Variants in ZNF2 observed in about 807,000 individuals in gnomAD.
ZNF2 encodes the protein zinc finger protein 2.2.
In ZNF2, 12 loss-of-function variants were observed where a neutral mutation model predicts 21.9. That is an observed-to-expected ratio of 0.55 (90% CI 0.35 to 0.89). The LOEUF is 0.89. Among genes scored for constraint, ZNF2 ranks in the 40% least tolerant of loss-of-function variants. The pLI, the probability that ZNF2 is intolerant of heterozygous loss-of-function variation, is 0.01. For synonymous variants in ZNF2, 186 were observed against 196.3 expected, an observed-to-expected ratio of 0.95 and a Z score of 0.44; for missense variants, 462 against 544.2, an observed-to-expected ratio of 0.85 and a Z score of 1.50.
intron 1 of ZNF2, among the ~76,000 whole-genome samples, chr2:95,167,505 C>CAAAAAAAAAAA (rs756206050): frequency 2.2e-5 from 1 of 44,932 alleles, no homozygotes; most frequent in Non-Finnish European, 4.8e-5. Context: ...GACTCAGTCT[C>CAAAAAAAAAAA]AAAAAAAAAA....
In ZNF2 at chr2:95,181,423, A is replaced by G. The variant is rs1289369724; in HGVS notation, c.595A>G (p.Lys199Glu). The stretch of plus-strand genomic sequence containing the variant: ...CCATCAGAGGACTCACACTGGGGAG[A>G]AGCCCTACGACTGCCGCGAGTGTGG... Reference protein sequence around the residue: ...TRHQRTHTGEKPYDCRECGKA... With the variant: ...TRHQRTHTGEEPYDCRECGKA... The change falls in exon 5 of 5, where the codon AAG becomes GAG. Residue 199 changes from lysine (K) to glutamate (E), a missense_variant. Physicochemically the swap from Lys to Glu is moderately conservative, Grantham distance 56. Coordinates refer to ENST00000614034, the MANE Select transcript of ZNF2 (RefSeq NM_021088.4). 2 of 1,614,026 alleles carry G rather than the reference A, an allele frequency of 1.2e-6. No individual in the cohort carries two copies. The highest frequency in any genetic ancestry group is 1.7e-6 in the Non-Finnish European group (2 of 1,180,008).
intron 1 of ZNF2, among the ~76,000 whole-genome samples, chr2:95,175,543 C>T (rs538698812): frequency 9.9e-5 from 15 of 152,244 alleles, no homozygotes; most frequent in Middle Eastern, 6.8e-3. Context: ...TGCTTCAGGA[C>T]GTCCTTTCAT....
rs759634301 is a variant in ZNF2 at position 95,181,105 on chromosome 2, T to G, written c.277T>G (p.Trp93Gly). 1.2e-6 allele frequency: 2 copies of G among 1,612,460 alleles called. No homozygotes were observed. The highest frequency in any genetic ancestry group is 2.2e-5 in the South Asian group (2 of 90,746). ...REWPESVSLD[W>G]ETKPEIHDAS... Reference sequence around the variant, plus strand: ...CATCTGTTTTCTGTTTGTTCCAGACTGGGAAACTAAGCCTGAGATTCACGA... The same window carrying G: ...CATCTGTTTTCTGTTTGTTCCAGACGGGGAAACTAAGCCTGAGATTCACGA... The change falls in exon 5 of 5, where the codon TGG becomes GGG. Residue 93 changes from tryptophan to glycine, a missense_variant and splice_region_variant. Coordinates refer to ENST00000614034, the MANE Select transcript of ZNF2 (RefSeq NM_021088.4).
chr2:95,176,043 C>T, intron 1 of ZNF2, 145 bp from the exon 2 acceptor site: 1 of 764,476 alleles, frequency 1.3e-6, no homozygotes, highest in Non-Finnish European at 2.3e-6. Context: ...GGGATTGTTC[C>T]TGGCTTTGCT....
At chr2:95,172,736 A>G (rs914945252) in intron 1 of ZNF2, among the ~76,000 whole-genome samples, 4 of 151,440 alleles carry the variant, frequency 2.6e-5, no homozygotes, top group African/African-American at 7.3e-5. Context: ...TTCTGGGTTC[A>G]AGCAATTCTC....
At chr2:95,170,785 C>T (rs1189508277) in intron 1 of ZNF2, among the ~76,000 whole-genome samples, 1 of 152,166 alleles carries the variant, frequency 6.6e-6, no homozygotes, top group African/African-American at 2.4e-5. Context: ...GAGGTTGGTT[C>T]ATTGTTAGTA....
chr2:95,166,831 C>T (rs1415479033), intron 1 of ZNF2, among the ~76,000 whole-genome samples: 1 of 152,130 alleles, frequency 6.6e-6, no homozygotes, highest in African/African-American at 2.4e-5. Context: ...GTGGAATTGC[C>T]TAAAGGAAGA....
At chr2:95,166,414 G>A (rs1674042943) in intron 1 of ZNF2, among the ~76,000 whole-genome samples, 1 of 152,148 alleles carries the variant, frequency 6.6e-6, no homozygotes, top group Non-Finnish European at 1.5e-5. Flanking sequence ...TGGTAGACAA[G>A]GTTGAAGAAA....
chr2:95,176,344 G>C (rs1674444501), intron 2 of ZNF2, 85 bp downstream of exon 2: 2 of 1,559,548 alleles, frequency 1.3e-6, no homozygotes, highest in Admixed American at 1.7e-5. Flanking sequence ...GAGCCTCTTT[G>C]AGCAGACCCA....
In ZNF2 at chr2:95,182,197, C is replaced by T. The variant is rs563090334; in HGVS notation, c.*91C>T. ...AAAGCTGCCATTTGCTCATTCTACCCACTCTGGCTGCCGTTGTCCTGTCCT... is the reference window on the plus strand; with the variant it reads ...AAAGCTGCCATTTGCTCATTCTACCTACTCTGGCTGCCGTTGTCCTGTCCT... On this transcript the variant is annotated 3_prime_UTR_variant, in exon 5 of 5. Transcript: ENST00000614034. 159 of 1,476,558 alleles carry T rather than the reference C, an allele frequency of 1.1e-4. No homozygotes were observed. In the African/African-American group the frequency reaches 2.1e-3, roughly 20 times the overall value. The allele number at this position is 1,476,558 out of a possible 1,614,324, so 91.5% of individuals were successfully genotyped here.
At chr2:95,171,953 A>T (rs1674287708) in intron 1 of ZNF2, among the ~76,000 whole-genome samples, 1 of 152,142 alleles carries the variant, frequency 6.6e-6, no homozygotes, top group Admixed American at 6.5e-5. Flanking sequence ...TATGATGATG[A>T]CCCTGCAAGG....
rs1176663018 is a variant in ZNF2, at chr2:95,179,329, T to A, written c.161-830T>A. Among the ~76,000 whole-genome samples the A allele has an allele frequency of 2.0e-5, 3 of 152,178 alleles. No individual in the cohort carries two copies. In the East Asian group the frequency reaches 5.8e-4, roughly 29 times the overall value. ...TTTTAACAGAATGTATTTATGGGTG[T>A]CTTTGGATATCTGAATAGAAAGAAA... On this transcript the variant is annotated intron_variant, in intron 3 of 4. Coordinates refer to ENST00000614034, the MANE Select transcript of ZNF2 (RefSeq NM_021088.4).
rs1234369446 is a variant in ZNF2 at position 95,182,607 on chromosome 2, A to T, written c.*501A>T. 6.4e-6 allele frequency: 1 copy of T among 155,848 alleles called. No individual in the cohort carries two copies. Among genetic ancestry groups the T allele is most frequent in the African/African-American group, 2.4e-5 (1 of 41,424 alleles). 9.7% of individuals were successfully genotyped at this position (155,848 alleles called of 1,614,324 possible). ...AGCTAGCACTTACTGAGCACCTGCG[A>T]TGAGGTAAAGACTCAGCTAAGGGTT... On this transcript the variant is annotated 3_prime_UTR_variant, in exon 5 of 5. Coordinates refer to ENST00000614034, the MANE Select transcript of ZNF2 (RefSeq NM_021088.4).
intron 1 of ZNF2, among the ~76,000 whole-genome samples, chr2:95,168,461 C>G (rs1269615926): frequency 1.3e-5 from 2 of 150,494 alleles, no homozygotes; most frequent in East Asian, 3.9e-4. Context: ...AGTGCAGGGA[C>G]AAATTCTGAG....
chr2:95,167,945 G>A (rs1674139679), intron 1 of ZNF2, among the ~76,000 whole-genome samples: 1 of 152,116 alleles, frequency 6.6e-6, no homozygotes. Context: ...AGTGGTAACA[G>A]TGTGGAGTCA....
Position 95,182,301 on chromosome 2 carries a change from C to G in ZNF2, c.*195C>G. 1.5e-6 allele frequency: 1 copy of G among 659,862 alleles called. No individual in the cohort carries two copies. Among genetic ancestry groups the G allele is most frequent in the Non-Finnish European group, 2.4e-6 (1 of 414,022 alleles). The allele number at this position is 659,862 out of a possible 1,614,324, so 40.9% of individuals were successfully genotyped here. ...TGTAGGGGAGGCCATGGAAATGACT[C>G]TAAAGATACAAAATTTTGAAGAGGT... On this transcript the variant is annotated 3_prime_UTR_variant, in exon 5 of 5. Transcript: ENST00000614034.
At chr2:95,167,654 C>T (rs575311848) in intron 1 of ZNF2, among the ~76,000 whole-genome samples, 2 of 151,644 alleles carry the variant, frequency 1.3e-5, no homozygotes, top group South Asian at 4.2e-4. Flanking sequence ...TCAAGACCAG[C>T]CTGGCCAACA....
At position 95,182,279 on chromosome 2, in the gene ZNF2, A is replaced by G; in HGVS notation, c.*173A>G. 4 of 779,466 alleles carry G rather than the reference A, an allele frequency of 5.1e-6. No homozygotes were observed. The highest frequency in any genetic ancestry group is 7.7e-4 in the Middle Eastern group (2 of 2,604). 48.3% of individuals were successfully genotyped at this position (779,466 alleles called of 1,614,324 possible). A position where few individuals can be genotyped will look rare whatever the true frequency, so the allele number is the denominator to read the frequency against. On this transcript the variant is annotated 3_prime_UTR_variant, in exon 5 of 5. Coordinates refer to ENST00000614034, the MANE Select transcript of ZNF2 (RefSeq NM_021088.4). Reference sequence around the variant, plus strand: ...CCTTCCTGCTGTGTTATAGAACTGTAGGGGAGGCCATGGAAATGACTCTAA... The same window carrying G: ...CCTTCCTGCTGTGTTATAGAACTGTGGGGGAGGCCATGGAAATGACTCTAA...
chr2:95,169,362 G>C (rs1674195346), intron 1 of ZNF2, among the ~76,000 whole-genome samples: 1 of 152,180 alleles, frequency 6.6e-6, no homozygotes, highest in Non-Finnish European at 1.5e-5. Flanking sequence ...TTTGGATATG[G>C]TTTGATTTGT....
Sources: gnomAD v4.1 joint callset for allele counts (sites outside exome capture counted in the v4.1 genomes callset) on GRCh38, gnomAD v4.1.1 for gene constraint, MANE v1.5 for transcripts, NCBI Gene and HGNC (gene_info 2026-07-23, HGNC 2026-07-21) for gene names.